Variants in RASEF observed in about 807,000 individuals in gnomAD.
RASEF encodes ras and EF-hand domain-containing protein.
A neutral mutation model predicts 90.1 loss-of-function variants in RASEF; 68 were observed. That is an observed-to-expected ratio of 0.75 (90% confidence interval 0.62 to 0.92). The LOEUF (loss-of-function observed/expected upper bound fraction) is 0.92, where lower values mean the gene tolerates loss of function less well. RASEF is among the 40% of genes least tolerant of loss of function. The probability of loss-of-function intolerance (pLI) is 0.00; values close to 1 mark genes in which losing one functional copy is unlikely to be tolerated. For missense variants in RASEF, 949 were observed against 937.2 expected, an observed-to-expected ratio of 1.01 and a Z score of -0.16; for synonymous variants, 331 against 345.2, an observed-to-expected ratio of 0.96 and a Z score of 0.46.
the RASEF span, among the ~76,000 whole-genome samples, chr9:83,147,080 AT>A: frequency 6.0e-5 from 9 of 149,952 alleles, no homozygotes; most frequent in Non-Finnish European, 1.3e-4. Flanking sequence ...ATCTCATAAT[AT>A]TTTTGGAGAA....
chr9:83,034,926 C>T (rs1829713002), intron 1 of RASEF, among the ~76,000 whole-genome samples: 1 of 152,118 alleles, frequency 6.6e-6, no homozygotes, highest in Admixed American at 6.5e-5. Context: ...TAAGTGCCAG[C>T]CACTGTTTCC....
chr9:83,071,711 C>T, the RASEF span, among the ~76,000 whole-genome samples: 1 of 152,140 alleles, frequency 6.6e-6, no homozygotes, highest in African/African-American at 2.4e-5. Context: ...CGGCTTCCTT[C>T]ATTTTGTTAA....
At chr9:83,021,306 C>T (rs1564079842) in intron 3 of RASEF, among the ~76,000 whole-genome samples, 1 of 152,092 alleles carries the variant, frequency 6.6e-6, no homozygotes, top group Non-Finnish European at 1.5e-5. Flanking sequence ...ACAATCTGGG[C>T]CAGGATGCAA....
intron 3 of RASEF, among the ~76,000 whole-genome samples, chr9:83,019,854 T>C (rs1691198947): frequency 6.6e-6 from 1 of 152,190 alleles, no homozygotes; most frequent in African/African-American, 2.4e-5. Flanking sequence ...TCTATACAGT[T>C]CTGAAAACTT....
At chr9:83,059,061 A>C (rs1830158245) in intron 1 of RASEF, among the ~76,000 whole-genome samples, 1 of 152,136 alleles carries the variant, frequency 6.6e-6, no homozygotes, top group Non-Finnish European at 1.5e-5. Flanking sequence ...ACAGACCCTC[A>C]GTGGTTCCAG....
At chr9:83,121,725 A>G in the RASEF span, among the ~76,000 whole-genome samples, 1 of 152,196 alleles carries the variant, frequency 6.6e-6, no homozygotes, top group African/African-American at 2.4e-5. Flanking sequence ...TGAGACTAAG[A>G]GAGCTGACGC....
At chr9:83,115,706 G>A in the RASEF span, among the ~76,000 whole-genome samples, 9 of 152,136 alleles carry the variant, frequency 5.9e-5, no homozygotes, top group Non-Finnish European at 1.0e-4. Flanking sequence ...TCATAAAAAG[G>A]GAGATGCAAA....
intron 1 of RASEF, among the ~76,000 whole-genome samples, chr9:83,049,671 CCA>C (rs1389555480): frequency 6.7e-6 from 1 of 148,920 alleles, no homozygotes. Flanking sequence ...GGTATATCTC[CCA>C]ATGCTATCCC....
the RASEF span, among the ~76,000 whole-genome samples, chr9:83,132,893 C>T: frequency 2.0e-5 from 3 of 152,070 alleles, no homozygotes; most frequent in African/African-American, 4.8e-5. Context: ...ATTGCCCAGC[C>T]CAGAAAGAGC....
At chr9:83,194,862 T>C in the RASEF span, among the ~76,000 whole-genome samples, 1 of 152,222 alleles carries the variant, frequency 6.6e-6, no homozygotes, top group Admixed American at 6.5e-5. Context: ...TATGCCCCAT[T>C]CTTTTGCTCT....
intron 1 of RASEF, among the ~76,000 whole-genome samples, chr9:83,053,757 C>A (rs867327054): frequency 6.8e-6 from 1 of 146,128 alleles, no homozygotes; most frequent in Non-Finnish European, 1.5e-5. Context: ...CAAAATCTCT[C>A]AGCATTTGCT....
intron 2 of RASEF, among the ~76,000 whole-genome samples, chr9:83,024,884 G>C (rs1829514458): frequency 6.6e-6 from 1 of 152,130 alleles, no homozygotes; most frequent in African/African-American, 2.4e-5. Flanking sequence ...CCTATTAAAA[G>C]GGCTGCATCT....
At position 83,026,087 on chromosome 9, in the gene RASEF, G is replaced by A. The variant is rs367600822; in HGVS notation, c.432-166C>T. On this transcript the variant is annotated intron_variant, in intron 1 of 16. Transcript: ENST00000376447. ...AGACAGCAGTCAGGAGATATGGTTG[G>A]ATTTTTCCCCACAATAGGAGATGGG... 3.3e-5 allele frequency among the ~76,000 whole-genome samples: 5 copies of A among 152,302 alleles called. No homozygotes were observed. In the South Asian group the frequency reaches 6.2e-4, roughly 19 times the overall value.
At chr9:83,005,738 G>C (rs1193319837) in intron 7 of RASEF, among the ~76,000 whole-genome samples, 1 of 152,200 alleles carries the variant, frequency 6.6e-6, no homozygotes, top group Non-Finnish European at 1.5e-5. Flanking sequence ...GGAATCAACT[G>C]TCTATGCTGT....
the RASEF span, among the ~76,000 whole-genome samples, chr9:83,176,697 A>G: frequency 1.1e-4 from 16 of 151,938 alleles, no homozygotes; most frequent in African/African-American, 3.6e-4. Flanking sequence ...ACTTATCAAA[A>G]TCGACTTAAG....
chr9:83,165,380 A>G, the RASEF span, among the ~76,000 whole-genome samples: 1 of 152,156 alleles, frequency 6.6e-6, no homozygotes, highest in Admixed American at 6.5e-5. Flanking sequence ...AGTCTCAGAG[A>G]TTGCATAACA....
chr9:83,181,908 T>C, the RASEF span, among the ~76,000 whole-genome samples: 6 of 152,214 alleles, frequency 3.9e-5, no homozygotes, highest in African/African-American at 1.2e-4. Flanking sequence ...GAAAATTCTA[T>C]GGTAATATCC....
chr9:83,162,612 A>C, the RASEF span, among the ~76,000 whole-genome samples: 1 of 152,222 alleles, frequency 6.6e-6, no homozygotes, highest in Admixed American at 6.5e-5. Context: ...CAATAAGTAG[A>C]AAGCTGAAAG....
the RASEF span, among the ~76,000 whole-genome samples, chr9:83,112,139 A>G: frequency 1.3e-5 from 2 of 152,184 alleles, no homozygotes; most frequent in Admixed American, 6.5e-5. Flanking sequence ...ATTTAAAATT[A>G]TATATAATAA....
Sources: gnomAD v4.1 joint callset for allele counts (sites outside exome capture counted in the v4.1 genomes callset) on GRCh38, gnomAD v4.1.1 for gene constraint, MANE v1.5 for transcripts, NCBI Gene and HGNC (gene_info 2026-07-23, HGNC 2026-07-21) for gene names.